The following DLGAP2 variants were observed in gnomAD, a reference collection of about 807,000 sequenced individuals.
DLGAP2 encodes the protein DLG associated protein 2, also known as disks large-associated protein 2.
Under a neutral mutation model 100.3 loss-of-function variants are expected in DLGAP2, and 26 were observed. The ratio of observed to expected loss-of-function variants is 0.26; its 90% CI spans 0.19 to 0.36. The LOEUF (loss-of-function observed/expected upper bound fraction) is 0.36. DLGAP2 is among the 10% of genes least tolerant of loss of function. DLGAP2 has a pLI of 1.00. For synonymous variants in DLGAP2, 886 were observed against 630.1 expected, an observed-to-expected ratio of 1.41 and a Z score of -6.08; for missense variants, 1,858 against 1,453.2, an observed-to-expected ratio of 1.28 and a Z score of -4.53.
At chr8:1,489,487 C>T (rs1445443174) in intron 3 of DLGAP2, among the ~76,000 whole-genome samples, 1 of 152,206 alleles carries the variant, frequency 6.6e-6, no homozygotes, top group Non-Finnish European at 1.5e-5. Flanking sequence ...TTTACCACCA[C>T]CCTTTTCATT....
At chr8:1,034,483 G>T (rs1233450463) in intron 2 of DLGAP2, among the ~76,000 whole-genome samples, 1 of 27,046 alleles carries the variant, frequency 3.7e-5, no homozygotes, top group African/African-American at 2.1e-4. Flanking sequence ...TGGGTTCACA[G>T]CCTCATCCCG....
chr8:1,231,553 A>G (rs375391666), intron 2 of DLGAP2, among the ~76,000 whole-genome samples: 2 of 152,212 alleles, frequency 1.3e-5, no homozygotes, highest in African/African-American at 4.8e-5. Context: ...TTGCAGCACT[A>G]CTCACGATAG....
intron 2 of DLGAP2, among the ~76,000 whole-genome samples, chr8:948,587 C>T (rs528142816): frequency 5.3e-5 from 8 of 152,352 alleles, no homozygotes; most frequent in Non-Finnish European, 1.0e-4. Context: ...GTGAAGTAAG[C>T]GGTGACAGTG....
In DLGAP2 at chr8:1,504,422, C is replaced by G. The variant is rs534210476; in HGVS notation, c.172+2991C>G. Among the ~76,000 whole-genome samples, 59 of 152,280 alleles carry G rather than the reference C, an allele frequency of 3.9e-4. 2 individuals carry two copies. The South Asian group carries it at 0.011, about 29-fold the overall frequency. On this transcript the variant is annotated intron_variant, in intron 4 of 14. Transcript: ENST00000637795. ...TTGTGCTTTTAAGAACATTTAAGAT[C>G]TCATCTCTTAGCAGTTTTCAAGTAA...
chr8:1,474,390 T>C (rs1216650481), intron 3 of DLGAP2, among the ~76,000 whole-genome samples: 1 of 152,214 alleles, frequency 6.6e-6, no homozygotes, highest in African/African-American at 2.4e-5. Flanking sequence ...TCTGGGTAGA[T>C]ACTCAGGAGT....
At chr8:1,614,279 C>G (rs945863494) in intron 6 of DLGAP2, among the ~76,000 whole-genome samples, 2 of 152,204 alleles carry the variant, frequency 1.3e-5, no homozygotes, top group African/African-American at 4.8e-5. Flanking sequence ...TGCAGTCAGG[C>G]AAGAGAACAG....
chr8:1,106,326 C>T (rs1261776271), intron 2 of DLGAP2, among the ~76,000 whole-genome samples: 1 of 148,374 alleles, frequency 6.7e-6, no homozygotes. Flanking sequence ...TGAGGGGGAG[C>T]CATTCCAGTA....
At chr8:1,178,607 C>G (rs778412032) in intron 2 of DLGAP2, among the ~76,000 whole-genome samples, 49 of 152,132 alleles carry the variant, frequency 3.2e-4, no homozygotes, top group Non-Finnish European at 6.3e-4. Flanking sequence ...AAGCTTAGCT[C>G]CTACTTAATT....
intron 1 of DLGAP2, among the ~76,000 whole-genome samples, chr8:895,695 G>C (rs1798133703): frequency 6.6e-6 from 1 of 152,208 alleles, no homozygotes; most frequent in Non-Finnish European, 1.5e-5. Flanking sequence ...TGTGAAGGAG[G>C]GTTATGGGAC....
intron 2 of DLGAP2, among the ~76,000 whole-genome samples, chr8:920,615 G>T (rs1367512948): frequency 2.0e-5 from 3 of 151,980 alleles, no homozygotes; most frequent in Non-Finnish European, 2.9e-5. Flanking sequence ...GCCAGGTGTG[G>T]TGGTGCCCGC....
At position 1,701,674 on chromosome 8, in the gene DLGAP2, C is replaced by G. The variant is rs1017651500; in HGVS notation, c.*268C>G. 2 of 483,256 alleles carry G rather than the reference C, an allele frequency of 4.1e-6. No homozygotes were observed. Among genetic ancestry groups the G allele is most frequent in the Non-Finnish European group, 3.6e-6 (1 of 276,926 alleles). 29.9% of individuals were successfully genotyped at this position (483,256 alleles called of 1,614,324 possible). On this transcript the variant is annotated 3_prime_UTR_variant, in exon 15 of 15. Coordinates refer to ENST00000637795, the MANE Select transcript of DLGAP2 (RefSeq NM_001346810.2). Reference sequence around the variant, plus strand: ...CTCTGAGGGACAGGTGTGGCGAGACCTGATTTCTCCTGCGTGTTCTCAGAG... The same window carrying G: ...CTCTGAGGGACAGGTGTGGCGAGACGTGATTTCTCCTGCGTGTTCTCAGAG...
chr8:1,609,768 A>G (rs1426188921), intron 6 of DLGAP2, among the ~76,000 whole-genome samples: 1 of 136,442 alleles, frequency 7.3e-6, no homozygotes, highest in African/African-American at 2.7e-5. Flanking sequence ...CTTTAAACCA[A>G]CAAAGATCAA....
intron 3 of DLGAP2, among the ~76,000 whole-genome samples, chr8:1,433,121 G>A (rs1392004406): frequency 6.6e-6 from 1 of 152,176 alleles, no homozygotes; most frequent in Non-Finnish European, 1.5e-5. Flanking sequence ...GTGTGGGTGG[G>A]AGTCAGCAGG....
intron 1 of DLGAP2, among the ~76,000 whole-genome samples, chr8:831,207 C>CTTTTTT (rs59545503): frequency 7.8e-6 from 1 of 127,666 alleles, no homozygotes; most frequent in African/African-American, 2.9e-5. Context: ...CCAGCAGTCA[C>CTTTTTT]TTTTTTTTTT....
At chr8:1,111,832 G>A (rs183042888) in intron 2 of DLGAP2, among the ~76,000 whole-genome samples, 2 of 152,226 alleles carry the variant, frequency 1.3e-5, no homozygotes, top group East Asian at 3.9e-4. Context: ...TTGATTCCAT[G>A]TCTTTGCTTT....
At chr8:1,110,258 G>A (rs1482527061) in intron 2 of DLGAP2, among the ~76,000 whole-genome samples, 1 of 134,590 alleles carries the variant, frequency 7.4e-6, no homozygotes. Context: ...GGTGTGCACG[G>A]GTCTGTGACA....
intron 2 of DLGAP2, among the ~76,000 whole-genome samples, chr8:1,184,201 G>C (rs1379288232): frequency 6.6e-6 from 1 of 152,210 alleles, no homozygotes; most frequent in Non-Finnish European, 1.5e-5. Context: ...TAGAGAGCAA[G>C]CCATTTAAAA....
chr8:1,391,687 G>T (rs757968652), intron 3 of DLGAP2, among the ~76,000 whole-genome samples: 1 of 152,218 alleles, frequency 6.6e-6, no homozygotes, highest in African/African-American at 2.4e-5. Context: ...AGGGCCTGGC[G>T]ATGTGTTTTC....
At chr8:1,426,013 G>C (rs532956420) in intron 3 of DLGAP2, among the ~76,000 whole-genome samples, 1 of 152,230 alleles carries the variant, frequency 6.6e-6, no homozygotes, top group Non-Finnish European at 1.5e-5. Context: ...AGGTGAATGC[G>C]TGGGTGTGGG....
Sources: gnomAD v4.1 joint callset for allele counts (sites outside exome capture counted in the v4.1 genomes callset) on GRCh38, gnomAD v4.1.1 for gene constraint, MANE v1.5 for transcripts, NCBI Gene and HGNC (gene_info 2026-07-23, HGNC 2026-07-21) for gene names.